ITGA1: variants seen among roughly 807,000 people sequenced by gnomAD.
ITGA1 encodes the protein integrin alpha-1.
ITGA1 carries 85 observed loss-of-function variants against 145.9 expected under a neutral mutation model. That is an observed-to-expected ratio of 0.58 (90% CI 0.49 to 0.70). The LOEUF (loss-of-function observed/expected upper bound fraction) is 0.70. ITGA1 is among the 30% of genes least tolerant of loss of function. The pLI is 0.00. For synonymous variants in ITGA1, 520 were observed against 495.3 expected (o/e 1.05, Z -0.66); for missense variants, 1,351 against 1,418.7 (o/e 0.95, Z 0.77).
At chr5:52,848,874 A>G (rs1235610279) in intron 1 of ITGA1, among the ~76,000 whole-genome samples, 1 of 152,134 alleles carries the variant, frequency 6.6e-6, no homozygotes, top group Non-Finnish European at 1.5e-5. Flanking sequence ...GATGGTTTCC[A>G]GCTTCATCCA....
At chr5:52,938,807 C>T (rs1461839948) in intron 24 of ITGA1, among the ~76,000 whole-genome samples, 1 of 152,040 alleles carries the variant, frequency 6.6e-6, no homozygotes, top group Non-Finnish European at 1.5e-5. Flanking sequence ...TGTAGGGAAT[C>T]AAAAGTATTA....
intron 12 of ITGA1, among the ~76,000 whole-genome samples, chr5:52,908,557 C>A (rs1172756852): frequency 6.6e-6 from 1 of 152,180 alleles, no homozygotes. Flanking sequence ...TACTGCTTAT[C>A]TAATTTTATT....
At chr5:52,806,846 G>A (rs976592538) in intron 1 of ITGA1, among the ~76,000 whole-genome samples, 2 of 152,146 alleles carry the variant, frequency 1.3e-5, no homozygotes, top group Non-Finnish European at 2.9e-5. Context: ...TTTGTGTGTA[G>A]TATTATAGTT....
chr5:52,948,580 A>C (rs1218497236), intron 28 of ITGA1, among the ~76,000 whole-genome samples: 1 of 152,176 alleles, frequency 6.6e-6, no homozygotes, highest in East Asian at 1.9e-4. Context: ...TTCTCTAGCA[A>C]AGTTCCCCAA....
intron 1 of ITGA1, among the ~76,000 whole-genome samples, chr5:52,826,717 G>T (rs373981043): frequency 1.3e-5 from 2 of 152,282 alleles, no homozygotes; most frequent in African/African-American, 4.8e-5. Context: ...TCTATAAATG[G>T]AACAACAAAA....
chr5:52,802,609 T>C (rs1227284938), intron 1 of ITGA1: 2 of 152,234 alleles, frequency 1.3e-5, no homozygotes, highest in Non-Finnish European at 2.9e-5. Flanking sequence ...TTGCTTGTTA[T>C]GTGGCTAATT....
At chr5:52,801,115 C>G in intron 1 of ITGA1, 1 of 1,598,508 alleles carries the variant, frequency 6.3e-7, no homozygotes, top group Non-Finnish European at 8.5e-7. Flanking sequence ...GTCCAAATTT[C>G]TTCAGGTAAA....
intron 11 of ITGA1, chr5:52,903,250 ACT>A (rs1750345055): frequency 2.0e-5 from 3 of 152,038 alleles, no homozygotes; most frequent in South Asian, 4.2e-4. Flanking sequence ...ACGTACTAAC[ACT>A]CTCATTCTAC....
intron 1 of ITGA1, among the ~76,000 whole-genome samples, chr5:52,829,885 C>G (rs1320605840): frequency 6.6e-6 from 1 of 152,022 alleles, no homozygotes; most frequent in East Asian, 1.9e-4. Flanking sequence ...TACCTTTGGA[C>G]TTGTTAACAA....
At chr5:52,885,028 A>G (rs1750025732) in intron 7 of ITGA1, among the ~76,000 whole-genome samples, 1 of 152,186 alleles carries the variant, frequency 6.6e-6, no homozygotes, top group Non-Finnish European at 1.5e-5. Flanking sequence ...TGGATCACAG[A>G]ACTCAGTAAA....
chr5:52,954,847 G>A lies in ITGA1; in HGVS notation c.*2396G>A, dbSNP rs891025008. The A allele has an allele frequency of 6.6e-6, 1 of 151,852 alleles. No homozygotes were observed. The highest frequency in any genetic ancestry group is 2.4e-5 in the African/African-American group (1 of 41,338). 9.4% of individuals were successfully genotyped at this position (151,852 alleles called of 1,614,324 possible). On this transcript the variant is annotated 3_prime_UTR_variant, in exon 29 of 29. Transcript: ENST00000282588. ...ATTATTTAAAAAACAAGTACAGAGC[G>A]TTTGATTAAAAAAAGTCAACAAATG...
chr5:52,856,581 T>G (rs1294820855), intron 2 of ITGA1, among the ~76,000 whole-genome samples: 1 of 152,054 alleles, frequency 6.6e-6, no homozygotes, highest in Non-Finnish European at 1.5e-5. Flanking sequence ...CTTATCAGTT[T>G]AAATCTTCAT....
chr5:52,851,507 C>T (rs1749431536), intron 2 of ITGA1, among the ~76,000 whole-genome samples: 1 of 152,112 alleles, frequency 6.6e-6, no homozygotes, highest in Non-Finnish European at 1.5e-5. Context: ...GAGGAATGTC[C>T]TTCCTAAGGT....
chr5:52,910,384 G>A lies in ITGA1; in HGVS notation c.1822G>A (p.Gly608Arg), dbSNP rs1289258677. The A allele has an allele frequency of 2.5e-6, 4 of 1,613,510 alleles. No homozygotes were observed. Among genetic ancestry groups the A allele is most frequent in the East Asian group, 2.2e-5 (1 of 44,882 alleles). Residue 608 changes from glycine (G) to arginine (R), a missense_variant, in exon 14 of 29, where the codon GGA (glycine) becomes AGA (arginine). Gly to Arg is a moderately radical substitution (Grantham distance 125). Transcript: ENST00000282588. ...CGGGGGAGCTGTGTACATTTATCAT[G>A]GAAGTGGCAAGACTATAAGGAAAGA... is the stretch of plus-strand genomic sequence containing the variant. ...DHGGAVYIYH[G>R]SGKTIRKEYA...
chr5:52,936,945 G>A (rs944149576), intron 23 of ITGA1, among the ~76,000 whole-genome samples: 3 of 151,560 alleles, frequency 2.0e-5, no homozygotes, highest in Non-Finnish European at 2.9e-5. Context: ...GATTAGAGAT[G>A]ATTTATGGGT....
At chr5:52,934,456 T>G (rs977149534) in intron 23 of ITGA1, among the ~76,000 whole-genome samples, 8 of 151,912 alleles carry the variant, frequency 5.3e-5, no homozygotes, top group African/African-American at 1.9e-4. Context: ...TTTTTTTTAC[T>G]TAACAAATAA....
At chr5:52,890,055 AT>A (rs1339014737) in intron 8 of ITGA1, 1 of 152,126 alleles carries the variant, frequency 6.6e-6, no homozygotes. Context: ...GTTTAGAACT[AT>A]ATCTGTGTAT....
chr5:52,918,144 CT>C (rs1246475154), intron 15 of ITGA1, among the ~76,000 whole-genome samples: 1 of 152,126 alleles, frequency 6.6e-6, no homozygotes, highest in Non-Finnish European at 1.5e-5. Flanking sequence ...CTCTTAATAG[CT>C]TTTGACCTGG....
At chr5:52,948,153 AG>A (rs1751162581) in intron 28 of ITGA1, among the ~76,000 whole-genome samples, 2 of 152,330 alleles carry the variant, frequency 1.3e-5, no homozygotes, top group South Asian at 4.1e-4. Flanking sequence ...TAAAACTCTT[AG>A]CAGCTGTATA....
Sources: gnomAD v4.1 joint callset for allele counts (sites outside exome capture counted in the v4.1 genomes callset) on GRCh38, gnomAD v4.1.1 for gene constraint, MANE v1.5 for transcripts, NCBI Gene and HGNC (gene_info 2026-07-23, HGNC 2026-07-21) for gene names.